PATJ: variants seen among roughly 807,000 people sequenced by gnomAD.
PATJ encodes the protein PATJ crumbs cell polarity complex component, also known as inaD-like protein.
A neutral mutation model predicts 224.9 loss-of-function variants in PATJ; 190 were observed. The observed-to-expected ratio is 0.84, with a 90% CI of 0.75 to 0.95. PATJ has a LOEUF of 0.95. Ranked by LOEUF, PATJ falls within the 40% of genes least tolerant of loss-of-function variation. The probability of loss-of-function intolerance (pLI) is 0.00; values close to 1 mark genes in which losing one functional copy is unlikely to be tolerated. For synonymous variants in PATJ, 769 were observed against 820.3 expected (o/e 0.94, Z 1.07); for missense variants, 2,121 against 2,270.3 (o/e 0.93, Z 1.34).
At chr1:62,084,183 G>A (rs1659645396) in intron 32 of PATJ, among the ~76,000 whole-genome samples, 1 of 152,208 alleles carries the variant, frequency 6.6e-6, no homozygotes, top group African/African-American at 2.4e-5. Flanking sequence ...GAACCCAGGA[G>A]GTGGAGGTTG....
intron 17 of PATJ, among the ~76,000 whole-genome samples, chr1:61,840,668 C>A (rs1048551530): frequency 2.6e-5 from 4 of 151,818 alleles, no homozygotes; most frequent in South Asian, 4.2e-4. Context: ...TTTCATCAGC[C>A]TCCTGTACCC....
At chr1:61,877,997 G>A (rs546645596) in intron 21 of PATJ, among the ~76,000 whole-genome samples, 8 of 152,304 alleles carry the variant, frequency 5.3e-5, no homozygotes, top group African/African-American at 1.7e-4. Context: ...AGAAATGTGT[G>A]CCTGTGCACT....
chr1:61,881,408 T>TTTA (rs1668078718), intron 21 of PATJ, among the ~76,000 whole-genome samples: 1 of 3,466 alleles, frequency 2.9e-4, no homozygotes. Flanking sequence ...AAAACAGTTA[T>TTTA]TTTTTTTTTT....
At chr1:61,872,721 G>T (rs1666809577) in intron 20 of PATJ, among the ~76,000 whole-genome samples, 1 of 152,106 alleles carries the variant, frequency 6.6e-6, no homozygotes. Context: ...CCTGCTTTAA[G>T]GTCTATAAAT....
intron 33 of PATJ, among the ~76,000 whole-genome samples, chr1:62,094,537 A>G (rs1273403825): frequency 1.3e-5 from 2 of 148,680 alleles, no homozygotes; most frequent in Non-Finnish European, 3.0e-5. Flanking sequence ...GAACCACTGA[A>G]CCTAACCTAG....
chr1:62,067,524 A>G (rs772020730), intron 31 of PATJ, among the ~76,000 whole-genome samples: 1 of 152,182 alleles, frequency 6.6e-6, no homozygotes, highest in Non-Finnish European at 1.5e-5. Flanking sequence ...GACTATTATC[A>G]TCTTTGCTTT....
intron 33 of PATJ, among the ~76,000 whole-genome samples, chr1:62,089,760 G>A (rs1660486956): frequency 6.9e-6 from 1 of 144,266 alleles, no homozygotes; most frequent in East Asian, 2.1e-4. Context: ...TCTTGGGATG[G>A]CATCCAGCTA....
At chr1:61,858,635 C>G (rs1264075078) in intron 18 of PATJ, among the ~76,000 whole-genome samples, 2 of 152,146 alleles carry the variant, frequency 1.3e-5, no homozygotes, top group Non-Finnish European at 2.9e-5. Context: ...AGCACCAAGC[C>G]ATGAGGGATC....
chr1:61,989,015 C>T (rs1198798965), intron 27 of PATJ, among the ~76,000 whole-genome samples: 3 of 152,148 alleles, frequency 2.0e-5, no homozygotes, highest in African/African-American at 7.2e-5. Flanking sequence ...AGGCATGAAG[C>T]CTTTGAGTGT....
At chr1:61,984,631 A>T (rs1046736153) in intron 27 of PATJ, among the ~76,000 whole-genome samples, 1 of 152,070 alleles carries the variant, frequency 6.6e-6, no homozygotes, top group Non-Finnish European at 1.5e-5. Flanking sequence ...AACAAGATAG[A>T]TGCAGGATTA....
At chr1:61,918,181 C>G (rs1312662554) in intron 26 of PATJ, 2 of 149,606 alleles carry the variant, frequency 1.3e-5, no homozygotes, top group South Asian at 2.1e-4. Flanking sequence ...TGATTTAGTT[C>G]TTTAATAGTT....
chr1:61,999,320 A>G (rs1038581651), intron 28 of PATJ, among the ~76,000 whole-genome samples: 1 of 152,186 alleles, frequency 6.6e-6, no homozygotes, highest in Non-Finnish European at 1.5e-5. Context: ...GCAGCCTGGA[A>G]AAATATGCTC....
intron 27 of PATJ, among the ~76,000 whole-genome samples, chr1:61,973,290 T>C (rs1162082320): frequency 6.6e-6 from 1 of 151,930 alleles, no homozygotes; most frequent in Non-Finnish European, 1.5e-5. Context: ...TACCGTCCAA[T>C]CTCAGCTGGA....
rs377489788 is a variant in PATJ at position 62,144,777 on chromosome 1, A to AAAATATATATATATAT, written c.5272-3506_5272-3505insAATATATATATATATA. Among the ~76,000 whole-genome samples, 4 of 119,102 alleles carry AAAATATATATATATAT rather than the reference A, an allele frequency of 3.4e-5. No homozygotes were observed. The East Asian group carries it at 1.4e-3, about 42-fold the overall frequency. 78.1% of individuals were successfully genotyped at this position (119,102 alleles called of 152,430 possible). ...TAGAATGTTATTTGCAAAAAAAAAA[A>AAAATATATATATATAT]ATATATATATATATATATAATTAGC... is the stretch of plus-strand genomic sequence containing the variant. On this transcript the variant is annotated intron_variant, in intron 41 of 43. Transcript: ENST00000642238.
chr1:61,955,345 G>T (rs1384408581), intron 27 of PATJ, among the ~76,000 whole-genome samples: 1 of 152,022 alleles, frequency 6.6e-6, no homozygotes, highest in Non-Finnish European at 1.5e-5. Context: ...TTTCTAAAAA[G>T]AAAAAAGATA....
intron 27 of PATJ, among the ~76,000 whole-genome samples, chr1:61,957,526 C>T (rs867652140): frequency 6.6e-6 from 1 of 151,982 alleles, no homozygotes; most frequent in Non-Finnish European, 1.5e-5. Flanking sequence ...TCAGTGGTTT[C>T]TGAACTAATC....
At chr1:61,787,459 A>G (rs1286869636) in intron 7 of PATJ, among the ~76,000 whole-genome samples, 1 of 152,162 alleles carries the variant, frequency 6.6e-6, no homozygotes, top group Non-Finnish European at 1.5e-5. Context: ...TCTTCCTTGC[A>G]CACGTGACCA....
intron 16 of PATJ, among the ~76,000 whole-genome samples, chr1:61,831,255 T>C (rs1168353040): frequency 6.6e-5 from 10 of 150,916 alleles, no homozygotes; most frequent in Non-Finnish European, 1.2e-4. Context: ...GGAACTACCA[T>C]TGTGGATATT....
intron 41 of PATJ, among the ~76,000 whole-genome samples, chr1:62,132,509 C>T (rs1256046621): frequency 1.3e-5 from 2 of 151,588 alleles, no homozygotes; most frequent in African/African-American, 4.8e-5. Flanking sequence ...CTAGGAGAAA[C>T]AGCTGAAAGT....
Sources: gnomAD v4.1 joint callset for allele counts (sites outside exome capture counted in the v4.1 genomes callset) on GRCh38, gnomAD v4.1.1 for gene constraint, MANE v1.5 for transcripts, NCBI Gene and HGNC (gene_info 2026-07-23, HGNC 2026-07-21) for gene names.